The following DENND4B variants were observed in gnomAD, a reference collection of about 807,000 sequenced individuals.
DENND4B encodes the protein DENN domain-containing protein 4B.
In DENND4B, 67 loss-of-function variants were observed where a neutral mutation model predicts 161.0. That is an observed-to-expected ratio of 0.42 (90% confidence interval 0.34 to 0.51). DENND4B has a LOEUF of 0.51. DENND4B is among the 20% of genes least tolerant of loss of function. DENND4B has a pLI of 0.08. For missense variants in DENND4B, 1,481 were observed against 1,968.0 expected (o/e 0.75, Z 4.68); for synonymous variants, 753 against 813.8 (o/e 0.93, Z 1.27).
rs1156990035 is a variant in DENND4B, at chr1:153,930,831, G to A, written c.4141C>T (p.Pro1381Ser). Reference sequence around the variant, plus strand: ...CTAAGGGATGCAGGTACAGGGCCTGGCCATACCACCCGCTGGGGGATCTGG... The same window carrying A: ...CTAAGGGATGCAGGTACAGGGCCTGACCATACCACCCGCTGGGGGATCTGG... ...HSQIPQRVVW[P>S]GPVPASLSLA... Residue 1381 changes from proline (P) to serine (S), a missense_variant, in exon 26 of 28, where the codon CCA (proline) becomes TCA (serine). By Grantham distance (74) the Pro-to-Ser change is moderately conservative. Transcript: ENST00000361217. This position sits in a 1 kb window ranked among gnomAD's most constrained non-coding sequence, Gnocchi z 4.7. 10 of 1,601,914 alleles carry A rather than the reference G, an allele frequency of 6.2e-6. 1 individual carries two copies. In the South Asian group the frequency reaches 1.1e-4, roughly 18 times the overall value.
In DENND4B at chr1:153,932,561, T is replaced by C; in HGVS notation, c.3759+81A>G. On this transcript the variant is annotated intron_variant, in intron 23 of 27. Transcript: ENST00000361217. This position sits in a 1 kb window ranked among gnomAD's most constrained non-coding sequence, Gnocchi z 5.8. Reference sequence around the variant, plus strand: ...CCCTTGCCCTCAAGGGCAAGAGATGTGCCCATCTCTCCCTGGCACCCCACA... The same window carrying C: ...CCCTTGCCCTCAAGGGCAAGAGATGCGCCCATCTCTCCCTGGCACCCCACA... 5 of 1,565,686 alleles carry C rather than the reference T, an allele frequency of 3.2e-6. No homozygotes were observed. Among genetic ancestry groups the C allele is most frequent in the Non-Finnish European group, 4.3e-6 (5 of 1,153,596 alleles).
At chr1:153,935,959 C>T in intron 17 of DENND4B, 101 bp downstream of exon 17, 1 of 1,456,974 alleles carries the variant, frequency 6.9e-7, no homozygotes. Context: ...CCTAGGCAAA[C>T]AGTACCAGCC....
In DENND4B at chr1:153,941,956, C is replaced by T. The variant is rs368885699; in HGVS notation, c.968G>A (p.Arg323His). 8 of 1,612,152 alleles carry T rather than the reference C, an allele frequency of 5.0e-6. No homozygotes were observed. The highest frequency in any genetic ancestry group is 2.7e-5 in the African/African-American group (2 of 74,914). ...GCGGAAGGCAGGGAAGGCAGGCCAG[C>T]GGGACAGCACAGCGATGGCACGCCG... is the stretch of plus-strand genomic sequence containing the variant. ...RSRRAIAVLS[R>H]WPAFPAFRAF... The change falls in exon 6 of 28, where the codon CGC becomes CAC. Residue 323 changes from arginine to histidine, a missense_variant. Physicochemically the swap from Arg to His is conservative, Grantham distance 29 (BLOSUM62 0). Coordinates refer to ENST00000361217, the MANE Select transcript of DENND4B (RefSeq NM_014856.3).
intron 13 of DENND4B, among the ~76,000 whole-genome samples, 161 bp downstream of exon 13, chr1:153,938,739 T>C (rs1679495542): frequency 6.6e-6 from 1 of 150,658 alleles, no homozygotes. Context: ...CTTAAAAAAA[T>C]ATTAAAAATT....
At chr1:153,931,393 T>A (rs1259310490) in intron 24 of DENND4B, among the ~76,000 whole-genome samples, 2 of 151,914 alleles carry the variant, frequency 1.3e-5, no homozygotes, top group Non-Finnish European at 2.9e-5. Flanking sequence ...GTGAGATAGG[T>A]GCTTATGCCA....
At chr1:153,931,806 CT>C (rs927896809) in intron 24 of DENND4B, among the ~76,000 whole-genome samples, 49 of 143,508 alleles carry the variant, frequency 3.4e-4, no homozygotes, top group Admixed American at 4.2e-4. Context: ...AGTCTATGCT[CT>C]TTTTTTTTTT....
Position 153,932,226 on chromosome 1 carries a change from C to T in DENND4B, c.3974G>A (p.Cys1325Tyr), listed in dbSNP as rs370769941. The stretch of plus-strand genomic sequence containing the variant: ...GACCTGGGAGTGCGAAGGCCCATCA[C>T]AGGAGGCCAGCACCAGGCCTGGTAG... Reference protein sequence around the residue: ...SILPGLVLASCDGPSHSQAPS... With the variant: ...SILPGLVLASYDGPSHSQAPS... Residue 1325 changes from cysteine (C) to tyrosine (Y), a missense_variant, in exon 24 of 28, where the codon TGT (cysteine) becomes TAT (tyrosine). Transcript: ENST00000361217. This position sits in a 1 kb window ranked among gnomAD's most constrained non-coding sequence, Gnocchi z 5.8. The T allele has an allele frequency of 6.2e-7, 1 of 1,613,800 alleles. No homozygotes were observed. The highest frequency in any genetic ancestry group is 8.5e-7 in the Non-Finnish European group (1 of 1,179,884).
In DENND4B at chr1:153,930,301, C is replaced by A; in HGVS notation, c.4487G>T (p.Cys1496Phe). The A allele has an allele frequency of 2.5e-6, 4 of 1,613,416 alleles. No homozygotes were observed. Among genetic ancestry groups the A allele is most frequent in the Non-Finnish European group, 3.4e-6 (4 of 1,179,420 alleles). ...CRKCFGAPPE[C>F] ...GGAGAGGGAAGCTTAAGGTCTCTAG[C>A]ATTCTGGAGGTGCTCCAAAACATTT... Residue 1496 changes from cysteine (C) to phenylalanine (F), a missense_variant, in exon 28 of 28, where the codon TGC (cysteine) becomes TTC (phenylalanine). Physicochemically the swap from Cys to Phe is radical, Grantham distance 205 (BLOSUM62 -2). Around this residue, in one of 3 missense-constraint regions of DENND4B, gnomAD observed 336 missense variants for 503.3 expected, o/e 0.67. Coordinates refer to ENST00000361217, the MANE Select transcript of DENND4B (RefSeq NM_014856.3). This position sits in a 1 kb window ranked among gnomAD's most constrained non-coding sequence, Gnocchi z 4.7.
In DENND4B at chr1:153,940,294, C is replaced by T. The variant is rs767947859; in HGVS notation, c.1503-38G>A. The T allele has an allele frequency of 2.5e-6, 4 of 1,573,204 alleles. No individual in the cohort carries two copies. The highest frequency in any genetic ancestry group is 2.6e-6 in the Non-Finnish European group (3 of 1,159,148). Reference sequence around the variant, plus strand: ...CATAAGGGGAAAGAGTGGCGAGGCTCTGGGATAGGGTGACGGGGTTCCTTG... The same window carrying T: ...CATAAGGGGAAAGAGTGGCGAGGCTTTGGGATAGGGTGACGGGGTTCCTTG... On this transcript the variant is annotated intron_variant, in intron 10 of 27. Transcript: ENST00000361217. The surrounding 1 kb of genome is among the most constrained non-coding windows in gnomAD (Gnocchi z 5.6).
At position 153,933,605 on chromosome 1, in the gene DENND4B, G is replaced by A; in HGVS notation, c.3208C>T (p.His1070Tyr). The change falls in exon 20 of 28, where the codon CAC (histidine) becomes TAC (tyrosine). Residue 1070 changes from histidine (H) to tyrosine (Y), a missense_variant. By Grantham distance (83) the His-to-Tyr change is moderately conservative (BLOSUM62 2). Coordinates refer to ENST00000361217, the MANE Select transcript of DENND4B (RefSeq NM_014856.3). The surrounding 1 kb of genome is among the most constrained non-coding windows in gnomAD (Gnocchi z 5.7). Reference sequence around the variant, plus strand: ...GGGGGAATGCGGGAGGCAGGGGAGTGGCGGGAAGGAGTGAGCAGCTGTTGG... The same window carrying A: ...GGGGGAATGCGGGAGGCAGGGGAGTAGCGGGAAGGAGTGAGCAGCTGTTGG... ...RLQQLLTPSR[H>Y]SPASRIPPPE... 1 of 1,551,912 alleles carries A rather than the reference G, an allele frequency of 6.4e-7. No individual in the cohort carries two copies. The highest frequency in any genetic ancestry group is 8.7e-7 in the Non-Finnish European group (1 of 1,152,272).
Position 153,946,645 on chromosome 1 carries a change from G to A in DENND4B, c.-368C>T. The stretch of plus-strand genomic sequence containing the variant: ...CGCTTTCTCTACTCCCCCAACCCCC[G>A]CTCCGGGCCGCGGGCGCCGCCGCTA... On this transcript the variant is annotated 5_prime_UTR_variant, in exon 1 of 28. Coordinates refer to ENST00000361217, the MANE Select transcript of DENND4B (RefSeq NM_014856.3). This position sits in a 1 kb window ranked among gnomAD's most constrained non-coding sequence, Gnocchi z 6.3. 1 of 367,936 alleles carries A rather than the reference G, an allele frequency of 2.7e-6. No homozygotes were observed. Among genetic ancestry groups the A allele is most frequent in the Non-Finnish European group, 4.8e-6 (1 of 210,392 alleles). The allele number at this position is 367,936 out of a possible 1,614,324, so 22.8% of individuals were successfully genotyped here.
Position 153,939,810 on chromosome 1 carries a change from G to A in DENND4B, c.1604-6C>T, listed in dbSNP as rs763360300. The A allele has an allele frequency of 1.2e-6, 2 of 1,613,112 alleles. No individual in the cohort carries two copies. The highest frequency in any genetic ancestry group is 2.7e-5 in the African/African-American group (2 of 75,026). The stretch of plus-strand genomic sequence containing the variant: ...CTCCTCAGGTCCAGTGTATGCTGGA[G>A]GCCAGGGCAGCCTAAGAGTCAGGGC... On this transcript the variant is annotated splice_region_variant and splice_polypyrimidine_tract_variant and intron_variant, in intron 11 of 27. Transcript: ENST00000361217.
chr1:153,932,932 G>A lies in DENND4B; in HGVS notation c.3552C>T (p.Asn1184=). The change falls in exon 22 of 28, where the codon AAC becomes AAT. Residue 1184 remains asparagine (N), a synonymous_variant. Transcript: ENST00000361217. This position sits in a 1 kb window ranked among gnomAD's most constrained non-coding sequence, Gnocchi z 5.8. The part of the protein sequence containing the change: ...AGWAPDDSNL[N]TTCPFCACPF... Reference sequence around the variant, plus strand: ...GGCAGGCGCAGAAGGGGCAGGTTGTGTTGAGGTTAGAGTCATCAGGTGCCC... The same window carrying A: ...GGCAGGCGCAGAAGGGGCAGGTTGTATTGAGGTTAGAGTCATCAGGTGCCC... 6.2e-7 allele frequency: 1 copy of A among 1,614,064 alleles called. No individual in the cohort carries two copies. The highest frequency in any genetic ancestry group is 1.1e-5 in the South Asian group (1 of 91,086).
intron 13 of DENND4B, among the ~76,000 whole-genome samples, chr1:153,938,659 G>A (rs1171236672): frequency 2.0e-5 from 3 of 150,420 alleles, no homozygotes; most frequent in South Asian, 2.1e-4. Context: ...CTGAGATCAC[G>A]CCCCTGCACT....
rs749437791 is a variant in DENND4B at position 153,933,519 on chromosome 1, C to T, written c.3294G>A (p.Leu1098=). ...TGGATCCAGGGCGCTCCCGGGGGTG[C>T]AGAAGACTGTCCATGGGGCTGCGGC... The part of the protein sequence containing the change: ...PARRSPMDSL[L]HPRERPGSTA... The change falls in exon 20 of 28, where the codon CTG becomes CTA. Residue 1098 remains leucine, a synonymous_variant. Coordinates refer to ENST00000361217, the MANE Select transcript of DENND4B (RefSeq NM_014856.3). The surrounding 1 kb of genome is among the most constrained non-coding windows in gnomAD (Gnocchi z 5.7). 1 of 1,551,650 alleles carries T rather than the reference C, an allele frequency of 6.4e-7. No homozygotes were observed. The highest frequency in any genetic ancestry group is 2.3e-5 in the East Asian group (1 of 44,386).
chr1:153,936,674 C>A lies in DENND4B; in HGVS notation c.2307G>T (p.Gly769=). 1 of 1,612,908 alleles carries A rather than the reference C, an allele frequency of 6.2e-7. No homozygotes were observed. The highest frequency in any genetic ancestry group is 8.5e-7 in the Non-Finnish European group (1 of 1,179,340). ...VPELWARCLL[G]HCYGLWFLCL... Reference sequence around the variant, plus strand: ...ACAGGAACCACAGCCCATAGCAGTGCCCCAGCAGGCACCGGGCCCACAGCT... The same window carrying A: ...ACAGGAACCACAGCCCATAGCAGTGACCCAGCAGGCACCGGGCCCACAGCT... Residue 769 remains glycine (G), a synonymous_variant, in exon 16 of 28, where the codon GGG becomes GGT. Coordinates refer to ENST00000361217, the MANE Select transcript of DENND4B (RefSeq NM_014856.3). This position sits in a 1 kb window ranked among gnomAD's most constrained non-coding sequence, Gnocchi z 4.1.
chr1:153,940,929 G>C lies in DENND4B; in HGVS notation c.1301C>G (p.Thr434Ser), dbSNP rs1390847524. The change falls in exon 9 of 28, where the codon ACC becomes AGC. Residue 434 changes from threonine (T) to serine (S), a missense_variant. Physicochemically the swap from Thr to Ser is moderately conservative, Grantham distance 58 (BLOSUM62 1). This residue lies in a region of DENND4B where 806 missense variants were observed against 1,134.4 expected (regional missense o/e 0.71). Transcript: ENST00000361217. This position sits in a 1 kb window ranked among gnomAD's most constrained non-coding sequence, Gnocchi z 5.6. ...LVHSLRPDLL[T>S]SVCEALVSMI... Reference sequence around the variant, plus strand: ...CGAGACGAGGGCCTCACAGACGCTGGTGAGCAGGTCTGGCCGCAGCGAGTG... The same window carrying C: ...CGAGACGAGGGCCTCACAGACGCTGCTGAGCAGGTCTGGCCGCAGCGAGTG... 3.8e-6 allele frequency: 6 copies of C among 1,592,084 alleles called. No homozygotes were observed. Among genetic ancestry groups the C allele is most frequent in the Admixed American group, 1.8e-5 (1 of 54,524 alleles).
chr1:153,937,420 A>C lies in DENND4B; in HGVS notation c.2232+68T>G. 6.9e-7 allele frequency: 1 copy of C among 1,458,238 alleles called. No homozygotes were observed. Among genetic ancestry groups the C allele is most frequent in the South Asian group, 1.4e-5 (1 of 70,582 alleles). 90.3% of individuals were successfully genotyped at this position (1,458,238 alleles called of 1,614,324 possible). On this transcript the variant is annotated intron_variant, in intron 15 of 27. Transcript: ENST00000361217. The surrounding 1 kb of genome is among the most constrained non-coding windows in gnomAD (Gnocchi z 4.7). ...TATTGTTATACCCATTTTGTAGATG[A>C]GGAAACTGAAGCAGCAGCAGCCTTC...
Position 153,933,977 on chromosome 1 carries a change from C to T in DENND4B, c.2942-106G>A. ...GGCTGCACAAACTCTGGTGCCACCA[C>T]CCCCACCATGATGATATTCTGGGCG... On this transcript the variant is annotated intron_variant, in intron 19 of 27. Transcript: ENST00000361217. The surrounding 1 kb of genome is among the most constrained non-coding windows in gnomAD (Gnocchi z 5.7). 1.3e-6 allele frequency: 2 copies of T among 1,510,436 alleles called. No individual in the cohort carries two copies. Among genetic ancestry groups the T allele is most frequent in the Non-Finnish European group, 1.8e-6 (2 of 1,128,132 alleles). 93.6% of individuals were successfully genotyped at this position (1,510,436 alleles called of 1,614,324 possible).
Sources: allele counts gnomAD v4.1 joint callset (sites outside exome capture counted in the v4.1 genomes callset), GRCh38; gene constraint gnomAD v4.1.1; regional missense constraint gnomAD v4.1.1; non-coding constraint Gnocchi (gnomAD v3.1); transcripts MANE v1.5; gene names NCBI Gene and HGNC (gene_info 2026-07-23, HGNC 2026-07-21).